The following PDE1A variants were observed in gnomAD, a reference collection of about 807,000 sequenced individuals.
The protein encoded by PDE1A is phosphodiesterase 1A.
PDE1A carries 35 observed loss-of-function variants against 61.7 expected under a neutral mutation model. The observed-to-expected ratio is 0.57, with a 90% confidence interval of 0.43 to 0.75. The LOEUF is 0.75. Among genes scored for constraint, PDE1A ranks in the 30% least tolerant of loss-of-function variants. The probability of loss-of-function intolerance (pLI) is 0.00; values close to 1 mark genes in which losing one functional copy is unlikely to be tolerated. For missense variants in PDE1A, 597 were observed against 630.6 expected, an observed-to-expected ratio of 0.95 and a Z score of 0.57; for synonymous variants, 232 against 213.2, an observed-to-expected ratio of 1.09 and a Z score of -0.77.
intron 1 of PDE1A, among the ~76,000 whole-genome samples, chr2:182,393,790 A>C (rs1247759558): frequency 2.6e-5 from 4 of 152,224 alleles, no homozygotes; most frequent in African/African-American, 9.6e-5. Context: ...AAATGCCATC[A>C]GTCTCTTTGC....
intron 1 of PDE1A, among the ~76,000 whole-genome samples, chr2:182,283,717 T>C (rs1483071547): frequency 2.6e-5 from 4 of 152,034 alleles, no homozygotes; most frequent in Non-Finnish European, 4.4e-5. Context: ...GGGTCTGTAT[T>C]TGAAAACAAA....
intron 1 of PDE1A, among the ~76,000 whole-genome samples, chr2:182,319,782 T>C (rs1278263417): frequency 2.0e-5 from 3 of 152,202 alleles, no homozygotes; most frequent in African/African-American, 7.2e-5. Flanking sequence ...AAAATTGGCG[T>C]GACAAAGTAA....
At chr2:182,145,234 G>T (rs574155586), downstream of PDE1A, among the ~76,000 whole-genome samples, 6 of 152,254 alleles carry the variant, frequency 3.9e-5, no homozygotes, top group South Asian at 8.3e-4. Flanking sequence ...TTCTATTGAG[G>T]TTACATAATT....
chr2:182,497,045 G>A (rs774415904), intron 2 of PDE1A, among the ~76,000 whole-genome samples: 1 of 151,966 alleles, frequency 6.6e-6, no homozygotes, highest in Non-Finnish European at 1.5e-5. Flanking sequence ...GAGTTTTCCA[G>A]ACAATTAAAG....
At chr2:182,215,256 A>G (rs1186599996) in intron 7 of PDE1A, among the ~76,000 whole-genome samples, 1 of 85,456 alleles carries the variant, frequency 1.2e-5, no homozygotes, top group Non-Finnish European at 2.4e-5. Context: ...TCTGGGACGC[A>G]TTCAAAGCAG....
the PDE1A span, among the ~76,000 whole-genome samples, chr2:182,668,756 C>T: frequency 1.3e-5 from 2 of 152,176 alleles, no homozygotes; most frequent in East Asian, 3.9e-4. Context: ...AGCTGCACTC[C>T]CTGGAGCACT....
At chr2:182,330,715 T>C (rs1198804173) in intron 1 of PDE1A, among the ~76,000 whole-genome samples, 2 of 152,150 alleles carry the variant, frequency 1.3e-5, no homozygotes, top group East Asian at 1.9e-4. Context: ...GATGACCTCA[T>C]TGCCAAACAT....
Position 182,264,458 on chromosome 2 carries a change from A to G in PDE1A, c.54-44T>C. 3.6e-6 allele frequency: 5 copies of G among 1,384,542 alleles called. No individual in the cohort carries two copies. The South Asian group carries it at 5.8e-5, about 16-fold the overall frequency. 85.8% of individuals were successfully genotyped at this position (1,384,542 alleles called of 1,614,324 possible). ...CAAAGAGAGAAAGAGCAAGGAATTT[A>G]TTGTAACTATATGGAAAATAGTACA... On this transcript the variant is annotated intron_variant, in intron 1 of 13. Transcript: ENST00000351439.
chr2:182,231,051 T>C (rs767937002), exon 5 of PDE1A: 2 of 1,604,178 alleles, frequency 1.2e-6, no homozygotes, highest in Admixed American at 1.7e-5. Flanking sequence ...TGGTAAACAG[T>C]TCATAAATCA....
chr2:182,600,542 G>A, the PDE1A span, among the ~76,000 whole-genome samples: 2 of 152,236 alleles, frequency 1.3e-5, no homozygotes, highest in Admixed American at 6.5e-5. Flanking sequence ...AGGTCTTTGG[G>A]GGATGGATTT....
the PDE1A span, among the ~76,000 whole-genome samples, chr2:182,700,416 A>T: frequency 3.4e-4 from 51 of 152,180 alleles, no homozygotes; most frequent in African/African-American, 1.2e-3. Context: ...CTCTACTAAA[A>T]ATACAAAAGA....
At chr2:182,537,437 G>C in the PDE1A span, among the ~76,000 whole-genome samples, 1 of 152,060 alleles carries the variant, frequency 6.6e-6, no homozygotes, top group Non-Finnish European at 1.5e-5. Context: ...TCATAACTGG[G>C]AGTTGAACAA....
intron 1 of PDE1A, among the ~76,000 whole-genome samples, chr2:182,397,559 G>A (rs1330257612): frequency 1.3e-5 from 2 of 152,070 alleles, no homozygotes; most frequent in South Asian, 2.1e-4. Flanking sequence ...AAAATTCTGC[G>A]ATAAGAAAAC....
At chr2:182,169,733 C>A (rs1007316127) in intron 13 of PDE1A, among the ~76,000 whole-genome samples, 1 of 152,050 alleles carries the variant, frequency 6.6e-6, no homozygotes, top group Non-Finnish European at 1.5e-5. Flanking sequence ...GATAATTCAT[C>A]TTCCTACCAA....
chr2:182,348,438 A>T (rs1698653796), intron 1 of PDE1A, among the ~76,000 whole-genome samples: 1 of 152,106 alleles, frequency 6.6e-6, no homozygotes. Context: ...TCCATTACTT[A>T]TAGGAATCAG....
At chr2:182,259,736 G>T (rs2125770787) in intron 2 of PDE1A, among the ~76,000 whole-genome samples, 1 of 152,334 alleles carries the variant, frequency 6.6e-6, no homozygotes, top group Middle Eastern at 3.4e-3. Flanking sequence ...GTTATAAATT[G>T]TGTTTTTAGG....
At chr2:182,364,304 C>T (rs965309155) in intron 1 of PDE1A, among the ~76,000 whole-genome samples, 69 of 151,698 alleles carry the variant, frequency 4.5e-4, no homozygotes, top group African/African-American at 1.7e-3. Context: ...AGCTTACACC[C>T]TATCCCATGT....
chr2:182,479,918 T>C (rs915854788), intron 2 of PDE1A, among the ~76,000 whole-genome samples: 2 of 151,912 alleles, frequency 1.3e-5, no homozygotes, highest in African/African-American at 2.4e-5. Context: ...CTGTTGTCAA[T>C]GATAAGCTGT....
intron 1 of PDE1A, among the ~76,000 whole-genome samples, chr2:182,274,561 C>A (rs1338482368): frequency 2.6e-5 from 4 of 151,990 alleles, no homozygotes; most frequent in East Asian, 3.9e-4. Flanking sequence ...TTTGGAGATA[C>A]AATTTGTGGC....
Sources: allele counts gnomAD v4.1 joint callset (sites outside exome capture counted in the v4.1 genomes callset), GRCh38; gene constraint gnomAD v4.1.1; transcripts MANE v1.5; gene names NCBI Gene and HGNC (gene_info 2026-07-23, HGNC 2026-07-21).